TMC1: variants seen among roughly 807,000 people sequenced by gnomAD.
TMC1 encodes transmembrane channel like 1.
Under a neutral mutation model 105.8 loss-of-function variants are expected in TMC1, and 84 were observed. The observed-to-expected ratio is 0.79, with a 90% CI of 0.67 to 0.95. The LOEUF is 0.95. Among genes scored for constraint, TMC1 ranks in the 40% least tolerant of loss-of-function variants. The pLI, the probability that TMC1 is intolerant of heterozygous loss-of-function variation, is 0.00. For synonymous variants in TMC1, 315 were observed against 311.5 expected, an observed-to-expected ratio of 1.01 and a Z score of -0.12; for missense variants, 817 against 914.1, an observed-to-expected ratio of 0.89 and a Z score of 1.37.
chr9:72,718,394 G>A (rs1274356218), intron 8 of TMC1, among the ~76,000 whole-genome samples: 2 of 152,202 alleles, frequency 1.3e-5, no homozygotes, highest in Admixed American at 6.5e-5. Flanking sequence ...CCCATGGGGT[G>A]TTCCCTTGAT....
chr9:72,725,079 C>G (rs551557534), intron 8 of TMC1, among the ~76,000 whole-genome samples: 2 of 151,616 alleles, frequency 1.3e-5, no homozygotes, highest in African/African-American at 4.8e-5. Flanking sequence ...GTGGAGATAA[C>G]CTTCTGTTTT....
intron 1 of TMC1, among the ~76,000 whole-genome samples, chr9:72,569,185 G>GATTACTT (rs1824223936): frequency 6.6e-6 from 1 of 152,058 alleles, no homozygotes; most frequent in Admixed American, 6.6e-5. Flanking sequence ...ATCATCTTTA[G>GATTACTT]ATTACTTATA....
At chr9:72,615,260 G>T (rs1306348928) in intron 2 of TMC1, among the ~76,000 whole-genome samples, 1 of 152,006 alleles carries the variant, frequency 6.6e-6, no homozygotes, top group Admixed American at 6.6e-5. Flanking sequence ...TGCAATTATT[G>T]TCATCTCCAT....
rs182653806 is a variant in TMC1, at chr9:72,525,032, C to T, written c.-428+3119C>T. 5.3e-5 allele frequency among the ~76,000 whole-genome samples: 8 copies of T among 152,256 alleles called. No individual in the cohort carries two copies. In the East Asian group the frequency reaches 9.6e-4, roughly 18 times the overall value. On this transcript the variant is annotated intron_variant, in intron 1 of 23. Transcript: ENST00000297784. Reference sequence around the variant, plus strand: ...AGAGTTTGTCTTTGATAGAAAGATACGGTCCAGAAGGCCGGCTTCAAGGAC... The same window carrying T: ...AGAGTTTGTCTTTGATAGAAAGATATGGTCCAGAAGGCCGGCTTCAAGGAC...
intron 4 of TMC1, among the ~76,000 whole-genome samples, chr9:72,640,581 T>C (rs74612373): frequency 1.5e-3 from 231 of 152,322 alleles, no homozygotes; most frequent in African/African-American, 5.3e-3. Flanking sequence ...TCTCTTTTTT[T>C]ACCCTTTATC....
At position 72,574,781 on chromosome 9, in the gene TMC1, T is replaced by C. The variant is rs543369339; in HGVS notation, c.-427-3121T>C. On this transcript the variant is annotated intron_variant, in intron 1 of 23. Coordinates refer to ENST00000297784, the MANE Select transcript of TMC1 (RefSeq NM_138691.3). ...TCTAGAAGTCAGCTTCTCTGAGAAG[T>C]ATTCTCTGACCATACATTCCTACTA... Among the ~76,000 whole-genome samples the C allele has an allele frequency of 3.3e-5, 5 of 152,334 alleles. No homozygotes were observed. In the East Asian group the frequency reaches 9.6e-4, roughly 29 times the overall value.
Position 72,788,523 on chromosome 9 carries a change from T to C in TMC1, c.1029+40T>C, listed in dbSNP as rs761544233. ...TTCAAAAACCTGCTGTTTGTATTTC[T>C]AAGAGTAAAATTGGAGGCATTCCAT... On this transcript the variant is annotated intron_variant, in intron 14 of 23. Coordinates refer to ENST00000297784, the MANE Select transcript of TMC1 (RefSeq NM_138691.3). 2.5e-6 allele frequency: 4 copies of C among 1,610,174 alleles called. No individual in the cohort carries two copies. In the South Asian group the frequency reaches 3.3e-5, roughly 13 times the overall value.
chr9:72,557,183 C>G (rs1488394454), intron 1 of TMC1, among the ~76,000 whole-genome samples: 2 of 152,126 alleles, frequency 1.3e-5, no homozygotes, highest in African/African-American at 4.8e-5. Context: ...CCAGCCTGGC[C>G]AACATGGTGA....
intron 8 of TMC1, among the ~76,000 whole-genome samples, chr9:72,714,814 T>C (rs2117922953): frequency 6.6e-6 from 1 of 152,362 alleles, no homozygotes; most frequent in Middle Eastern, 3.4e-3. Flanking sequence ...ATTATGATGC[T>C]GGATGGTTAT....
intron 23 of TMC1, 22 bp from the exon 24 acceptor site, chr9:72,835,929 T>TG: frequency 6.5e-7 from 1 of 1,538,918 alleles, no homozygotes; most frequent in Non-Finnish European, 8.7e-7. Context: ...TTTTTTTTTT[T>TG]TTTTTTCTGT....
chr9:72,554,541 C>G (rs1823901021), intron 1 of TMC1, among the ~76,000 whole-genome samples: 1 of 152,118 alleles, frequency 6.6e-6, no homozygotes, highest in African/African-American at 2.4e-5. Flanking sequence ...TTCCTGGTTT[C>G]TAGCTTGACC....
At chr9:72,710,478 T>C (rs1207843431) in intron 8 of TMC1, among the ~76,000 whole-genome samples, 1 of 152,220 alleles carries the variant, frequency 6.6e-6, no homozygotes, top group Non-Finnish European at 1.5e-5. Flanking sequence ...TTGCTGTCTA[T>C]CTCATTTCTG....
intron 19 of TMC1, among the ~76,000 whole-genome samples, chr9:72,816,699 G>A (rs1020469273): frequency 2.8e-4 from 42 of 152,084 alleles, no homozygotes; most frequent in Non-Finnish European, 4.6e-4. Context: ...TAGGAAGGTC[G>A]AGTTAAAATA....
chr9:72,831,801 T>C (rs1490408313), intron 23 of TMC1, among the ~76,000 whole-genome samples: 3 of 151,998 alleles, frequency 2.0e-5, no homozygotes, highest in Non-Finnish European at 4.4e-5. Context: ...TATTCCATGG[T>C]GTATATGTGC....
intron 2 of TMC1, among the ~76,000 whole-genome samples, chr9:72,605,616 C>T (rs1178053028): frequency 3.4e-5 from 5 of 145,758 alleles, no homozygotes; most frequent in Admixed American, 1.4e-4. Flanking sequence ...CACTCTGACA[C>T]CCAGGCTGGA....
At chr9:72,709,925 A>G (rs1353326340) in intron 8 of TMC1, among the ~76,000 whole-genome samples, 1 of 151,768 alleles carries the variant, frequency 6.6e-6, no homozygotes, top group Non-Finnish European at 1.5e-5. Flanking sequence ...TTGTTTTTCT[A>G]GTTCCTTGAG....
chr9:72,733,497 T>C (rs1431878586), intron 8 of TMC1, among the ~76,000 whole-genome samples: 1 of 152,168 alleles, frequency 6.6e-6, no homozygotes, highest in Admixed American at 6.5e-5. Flanking sequence ...CTTAACTTTG[T>C]AGTTTGGAGA....
intron 2 of TMC1, among the ~76,000 whole-genome samples, chr9:72,607,002 T>TAGAGAGAG (rs57741839): frequency 0.015 from 1,975 of 134,922 alleles, 38 homozygotes; most frequent in African/African-American, 0.039. Flanking sequence ...TATATATATA[T>TAGAGAGAG]AGAGAGAGAG....
At chr9:72,706,064 T>A (rs1463154513) in intron 8 of TMC1, among the ~76,000 whole-genome samples, 17 of 152,214 alleles carry the variant, frequency 1.1e-4, no homozygotes, top group Non-Finnish European at 7.4e-5. Flanking sequence ...TTCATTTGTT[T>A]GTTTGTTTTT....
Sources: allele counts gnomAD v4.1 joint callset (sites outside exome capture counted in the v4.1 genomes callset), GRCh38; gene constraint gnomAD v4.1.1; transcripts MANE v1.5; gene names NCBI Gene and HGNC (gene_info 2026-07-23, HGNC 2026-07-21).